Variants in ABCC11 observed in about 807,000 individuals in gnomAD.
ABCC11 encodes ATP binding cassette subfamily C member 11.
In ABCC11, 135 loss-of-function variants were observed where a neutral mutation model predicts 149.3. The ratio of observed to expected loss-of-function variants is 0.90; its 90% CI spans 0.79 to 1.04. The LOEUF is 1.04. Among genes scored for constraint, ABCC11 ranks in the 50% least tolerant of loss-of-function variants. The probability of loss-of-function intolerance (pLI) is 0.00; values close to 1 mark genes in which losing one functional copy is unlikely to be tolerated. For missense variants in ABCC11, 1,680 were observed against 1,722.1 expected (o/e 0.98, Z 0.43); for synonymous variants, 665 against 671.4 (o/e 0.99, Z 0.15).
At chr16:48,201,314 T>C (rs544666817) in intron 14 of ABCC11, among the ~76,000 whole-genome samples, 29 of 152,288 alleles carry the variant, frequency 1.9e-4, no homozygotes, top group African/African-American at 6.5e-4. Flanking sequence ...GTCTCCTCTG[T>C]TGCCCAGGCT....
At chr16:48,214,326 G>A (rs778622366) in intron 9 of ABCC11, among the ~76,000 whole-genome samples, 5 of 151,922 alleles carry the variant, frequency 3.3e-5, no homozygotes, top group Non-Finnish European at 5.9e-5. Flanking sequence ...CAGCCATCTG[G>A]GGCACACACA....
intron 23 of ABCC11, among the ~76,000 whole-genome samples, chr16:48,181,322 G>A (rs1966418122): frequency 6.6e-6 from 1 of 152,140 alleles, no homozygotes. Flanking sequence ...ATTGGCTATG[G>A]GAACATAGCC....
chr16:48,172,275 AGACGTAT>A (rs1965771924), intron 26 of ABCC11, among the ~76,000 whole-genome samples: 1 of 152,196 alleles, frequency 6.6e-6, no homozygotes, highest in South Asian at 2.1e-4. Flanking sequence ...ATCTGTTTAT[AGACGTAT>A]GACTTGTTTC....
At chr16:48,188,261 T>C (rs1966842488) in intron 20 of ABCC11, among the ~76,000 whole-genome samples, 1 of 152,218 alleles carries the variant, frequency 6.6e-6, no homozygotes, top group African/African-American at 2.4e-5. Flanking sequence ...TCTTCTACCC[T>C]ACCACTGGCT....
Position 48,167,351 on chromosome 16 carries a change from G to A in ABCC11, c.4072C>T (p.Arg1358Trp), listed in dbSNP as rs778082183. 3.5e-5 allele frequency: 44 copies of A among 1,258,584 alleles called. No homozygotes were observed. Among genetic ancestry groups the A allele is most frequent in the African/African-American group, 7.4e-5 (5 of 67,596 alleles). 78.0% of individuals were successfully genotyped at this position (1,258,584 alleles called of 1,614,324 possible). ...GGCTTCTTCCGCAGTACCTCCGGCC[G>A]ATCAAATTCTACCACCTGGAGGGTA... is the stretch of plus-strand genomic sequence containing the variant. ...MGNGKVVEFD[R>W]PEVLRKKPGS... The change falls in exon 30 of 30, where the codon CGG (arginine) becomes TGG (tryptophan). Residue 1358 changes from arginine to tryptophan, a missense_variant. Transcript: ENST00000356608.
chr16:48,165,131 T>C (rs1404457540), downstream of ABCC11: 1 of 151,756 alleles, frequency 6.6e-6, no homozygotes, highest in Non-Finnish European at 1.5e-5. Flanking sequence ...CCCTCACCCG[T>C]GATGAGGGCA....
intron 12 of ABCC11, among the ~76,000 whole-genome samples, chr16:48,206,482 C>T (rs1376726427): frequency 2.0e-5 from 3 of 152,232 alleles, no homozygotes; most frequent in Non-Finnish European, 4.4e-5. Context: ...GAGATAGACA[C>T]TCATCCCCAG....
At chr16:48,243,571 G>C (rs1040952900) in intron 1 of ABCC11, among the ~76,000 whole-genome samples, 1 of 151,486 alleles carries the variant, frequency 6.6e-6, no homozygotes, top group African/African-American at 2.4e-5. Context: ...TTTGGGTAAG[G>C]CCTATAGGTT....
intron 11 of ABCC11, 102 bp from the exon 12 acceptor site, chr16:48,208,598 A>G: frequency 7.9e-7 from 1 of 1,262,488 alleles, no homozygotes; most frequent in Non-Finnish European, 1.1e-6. Context: ...CAACACACAG[A>G]AAACAAAATA....
chr16:48,197,769 C>T (rs993020151), intron 17 of ABCC11, among the ~76,000 whole-genome samples: 7 of 152,220 alleles, frequency 4.6e-5, no homozygotes, highest in African/African-American at 1.7e-4. Context: ...CACTCACTTC[C>T]TGGATCCTTC....
chr16:48,189,462 G>A lies in ABCC11; in HGVS notation c.2707-2035C>T, dbSNP rs938792413. On this transcript the variant is annotated intron_variant, in intron 20 of 29. Transcript: ENST00000356608. ...TTTTCTGTTGTGCTTGCAGTTGAGC[G>A]AACTTTTTAAGATTTATCCTTTACT... Among the ~76,000 whole-genome samples the A allele has an allele frequency of 3.9e-5, 6 of 152,214 alleles. No individual in the cohort carries two copies. In the East Asian group the frequency reaches 5.8e-4, roughly 15 times the overall value.
Position 48,187,097 on chromosome 16 carries a change from G to C in ABCC11, c.2934-7C>G. 6.2e-7 allele frequency: 1 copy of C among 1,614,162 alleles called. No homozygotes were observed. The highest frequency in any genetic ancestry group is 8.5e-7 in the Non-Finnish European group (1 of 1,180,026). ...GATGGCCTTCTTGAACATCCTGCAT[G>C]GACAGTGGAGGTAAGGGACCTGGAC... On this transcript the variant is annotated splice_polypyrimidine_tract_variant and splice_region_variant and intron_variant, in intron 21 of 29. Coordinates refer to ENST00000356608, the MANE Select transcript of ABCC11 (RefSeq NM_001370497.1).
At chr16:48,178,267 C>T (rs1294256028) in intron 24 of ABCC11, among the ~76,000 whole-genome samples, 4 of 152,174 alleles carry the variant, frequency 2.6e-5, no homozygotes, top group Non-Finnish European at 5.9e-5. Context: ...TCTTAACCAC[C>T]ATGACATAAA....
At chr16:48,237,225 A>C (rs1970733768) in intron 1 of ABCC11, among the ~76,000 whole-genome samples, 1 of 152,122 alleles carries the variant, frequency 6.6e-6, no homozygotes, top group Non-Finnish European at 1.5e-5. Flanking sequence ...CATATGTTTT[A>C]TCTCTGTACC....
intron 1 of ABCC11, among the ~76,000 whole-genome samples, chr16:48,239,561 CAAAAAA>C (rs756121627): frequency 2.1e-5 from 1 of 47,196 alleles, no homozygotes; most frequent in Non-Finnish European, 4.6e-5. Context: ...GACTGTGTCA[CAAAAAA>C]AAAAAAAAAA....
At chr16:48,223,383 G>A (rs570641630) in intron 5 of ABCC11, among the ~76,000 whole-genome samples, 224 of 152,182 alleles carry the variant, frequency 1.5e-3, no homozygotes, top group African/African-American at 5.1e-3. Flanking sequence ...ATCTCCCACC[G>A]GTCAACCCCA....
At chr16:48,187,554 T>A in intron 20 of ABCC11, 127 bp from the exon 21 acceptor site, 1 of 750,718 alleles carries the variant, frequency 1.3e-6, no homozygotes, top group Non-Finnish European at 2.2e-6. Context: ...GCAGGCAATG[T>A]AGAGCAATGA....
chr16:48,233,222 A>T lies in ABCC11; in HGVS notation c.-18-1283T>A, dbSNP rs1485579424. 2.0e-5 allele frequency among the ~76,000 whole-genome samples: 3 copies of T among 152,170 alleles called. No individual in the cohort carries two copies. The South Asian group carries it at 6.2e-4, about 32-fold the overall frequency. ...TCTCAAAAAACAAAACAAAACAAACATTCAAATATTGGATTGTACTTCAAG... is the reference window on the plus strand; with the variant it reads ...TCTCAAAAAACAAAACAAAACAAACTTTCAAATATTGGATTGTACTTCAAG... On this transcript the variant is annotated intron_variant, in intron 1 of 29. Coordinates refer to ENST00000356608, the MANE Select transcript of ABCC11 (RefSeq NM_001370497.1).
At position 48,175,446 on chromosome 16, in the gene ABCC11, A is replaced by G. The variant is rs375801383; in HGVS notation, c.3539-29T>C. 10 of 1,590,938 alleles carry G rather than the reference A, an allele frequency of 6.3e-6. No individual in the cohort carries two copies. In the South Asian group the frequency reaches 7.8e-5, roughly 12 times the overall value. ...TGGGGCAAGAAACAAGCGGGGCCTCAGTTTCCTGCATCTGCACTAGCGGAA... is the reference window on the plus strand; with the variant it reads ...TGGGGCAAGAAACAAGCGGGGCCTCGGTTTCCTGCATCTGCACTAGCGGAA... On this transcript the variant is annotated intron_variant, in intron 25 of 29. Transcript: ENST00000356608.
Sources: gnomAD v4.1 joint callset for allele counts (sites outside exome capture counted in the v4.1 genomes callset) on GRCh38, gnomAD v4.1.1 for gene constraint, MANE v1.5 for transcripts, NCBI Gene and HGNC (gene_info 2026-07-23, HGNC 2026-07-21) for gene names.